The following UBE2E2 variants were observed in gnomAD, a reference collection of about 807,000 sequenced individuals.
UBE2E2 encodes the protein ubiquitin-conjugating enzyme E2 E2.
Under a neutral mutation model 24.7 loss-of-function variants are expected in UBE2E2, and 6 were observed. The observed-to-expected ratio is 0.24, with a 90% CI of 0.13 to 0.48. The LOEUF (loss-of-function observed/expected upper bound fraction) is 0.48, where lower values mean the gene tolerates loss of function less well. Among genes scored for constraint, UBE2E2 ranks in the 20% least tolerant of loss-of-function variants. The probability of loss-of-function intolerance (pLI) is 0.99; values close to 1 mark genes in which losing one functional copy is unlikely to be tolerated. For synonymous variants in UBE2E2, 104 were observed against 83.6 expected, an observed-to-expected ratio of 1.24 and a Z score of -1.33; for missense variants, 169 against 245.0, an observed-to-expected ratio of 0.69 and a Z score of 2.07.
At chr3:23,570,102 A>C (rs1020447298) in intron 5 of UBE2E2, among the ~76,000 whole-genome samples, 6 of 152,134 alleles carry the variant, frequency 3.9e-5, no homozygotes, top group Admixed American at 6.5e-5. Context: ...TTTAAATCTA[A>C]TATCTTCTTT....
Position 23,327,181 on chromosome 3 carries a change from ATATACCCAG to A in UBE2E2, c.227+109872_227+109880del, listed in dbSNP as rs201524331. On this transcript the variant is annotated intron_variant, in intron 3 of 5. Coordinates refer to ENST00000396703, the MANE Select transcript of UBE2E2 (RefSeq NM_152653.4). Reference sequence around the variant, plus strand: ...CAGCATGATTTATAATCCTTTGGATATATACCCAGTAATGGAATGGCTGGGTCAAATAGT... The same window carrying A: ...CAGCATGATTTATAATCCTTTGGATATAATGGAATGGCTGGGTCAAATAGT... 7.4e-4 allele frequency among the ~76,000 whole-genome samples: 113 copies of A among 152,342 alleles called. 1 individual carries two copies. In the East Asian group the frequency reaches 0.017, roughly 22 times the overall value.
chr3:23,463,927 A>T (rs1053826290), intron 3 of UBE2E2, among the ~76,000 whole-genome samples: 4 of 152,204 alleles, frequency 2.6e-5, no homozygotes, highest in Admixed American at 2.6e-4. Context: ...AATGTTAAAG[A>T]TCATAATGTT....
Position 23,509,122 on chromosome 3 carries a change from T to A in UBE2E2, c.360+9382T>A, listed in dbSNP as rs1043657877. Among the ~76,000 whole-genome samples, 3 of 152,186 alleles carry A rather than the reference T, an allele frequency of 2.0e-5. No individual in the cohort carries two copies. The South Asian group carries it at 6.2e-4, about 32-fold the overall frequency. On this transcript the variant is annotated intron_variant, in intron 4 of 5. Transcript: ENST00000396703. ...ATAAAACAGTGAACACTGGAAACTCTGAGAGAAACACTCTAAGCACATAAA... is the reference window on the plus strand; with the variant it reads ...ATAAAACAGTGAACACTGGAAACTCAGAGAGAAACACTCTAAGCACATAAA...
chr3:23,337,909 C>T (rs1394557569), intron 3 of UBE2E2, among the ~76,000 whole-genome samples: 2 of 151,988 alleles, frequency 1.3e-5, no homozygotes, highest in Non-Finnish European at 2.9e-5. Flanking sequence ...AGGCTAAGCC[C>T]CTGGAGATTG....
chr3:23,256,705 A>G (rs895314370), intron 3 of UBE2E2, among the ~76,000 whole-genome samples: 18 of 148,636 alleles, frequency 1.2e-4, no homozygotes, highest in Middle Eastern at 6.8e-3. Context: ...AATTCTTTCT[A>G]CATTTTAACA....
intron 3 of UBE2E2, among the ~76,000 whole-genome samples, chr3:23,374,402 T>C (rs1696469429): frequency 6.6e-6 from 1 of 152,190 alleles, no homozygotes; most frequent in African/African-American, 2.4e-5. Context: ...ATTGAATAAA[T>C]AAAACAAGTT....
intron 3 of UBE2E2, among the ~76,000 whole-genome samples, chr3:23,401,428 C>T (rs1017329331): frequency 5.3e-5 from 8 of 152,158 alleles, no homozygotes; most frequent in Admixed American, 2.6e-4. Flanking sequence ...GTCACCCCCA[C>T]GATTCAGGTG....
chr3:23,408,026 GAAGTAAATAAAACTT>G (rs1337556647), intron 3 of UBE2E2, among the ~76,000 whole-genome samples: 3 of 152,032 alleles, frequency 2.0e-5, no homozygotes, highest in Non-Finnish European at 4.4e-5. Context: ...CAATGTCACT[GAAGTAAATAAAACTT>G]TTAATGAAGA....
intron 3 of UBE2E2, among the ~76,000 whole-genome samples, chr3:23,454,983 A>C (rs1698645438): frequency 6.6e-6 from 1 of 152,102 alleles, no homozygotes; most frequent in Non-Finnish European, 1.5e-5. Context: ...AAGTGTGGGG[A>C]CTTGATCCCT....
chr3:23,254,639 T>C (rs1185295734), intron 3 of UBE2E2, among the ~76,000 whole-genome samples: 2 of 152,160 alleles, frequency 1.3e-5, no homozygotes, highest in Non-Finnish European at 1.5e-5. Flanking sequence ...ATTCAAGATA[T>C]TGTGTTGTTC....
At chr3:23,405,096 AAC>A (rs1697322446) in intron 3 of UBE2E2, among the ~76,000 whole-genome samples, 1 of 152,226 alleles carries the variant, frequency 6.6e-6, no homozygotes, top group African/African-American at 2.4e-5. Flanking sequence ...AAAATACAGC[AAC>A]AGTTTGCTGT....
At chr3:23,428,160 A>G (rs1002571305) in intron 3 of UBE2E2, among the ~76,000 whole-genome samples, 3 of 152,202 alleles carry the variant, frequency 2.0e-5, no homozygotes, top group African/African-American at 7.2e-5. Flanking sequence ...GGTAAACTGC[A>G]TTCTGGATCA....
intron 3 of UBE2E2, among the ~76,000 whole-genome samples, chr3:23,420,085 A>G (rs958316817): frequency 6.6e-6 from 1 of 152,234 alleles, no homozygotes; most frequent in Non-Finnish European, 1.5e-5. Flanking sequence ...CTATCATGAA[A>G]AATTTGAACA....
At chr3:23,321,559 C>T (rs12185989) in intron 3 of UBE2E2, among the ~76,000 whole-genome samples, 48,516 of 149,644 alleles carry the variant, frequency 0.32, 8,103 homozygotes, top group South Asian at 0.37. Flanking sequence ...CTCTTCTACT[C>T]CTGGGACCTA....
chr3:23,519,006 C>G (rs775294144), intron 4 of UBE2E2, among the ~76,000 whole-genome samples: 8 of 152,182 alleles, frequency 5.3e-5, no homozygotes, highest in Non-Finnish European at 1.2e-4. Flanking sequence ...CCCTAAAACA[C>G]CTCTTTCATC....
Position 23,222,104 on chromosome 3 carries a change from G to T in UBE2E2, c.227+4792G>T, listed in dbSNP as rs1020185824. Among the ~76,000 whole-genome samples, 18 of 151,826 alleles carry T rather than the reference G, an allele frequency of 1.2e-4. No homozygotes were observed. The East Asian group carries it at 3.3e-3, about 28-fold the overall frequency. On this transcript the variant is annotated intron_variant, in intron 3 of 5. Transcript: ENST00000396703. ...GTAAGAGTGAGAACATGTGACATTT[G>T]TCATTCTCTGCTGGGCTTATTTCAC...
chr3:23,569,015 T>C (rs1696159734), intron 5 of UBE2E2, among the ~76,000 whole-genome samples: 1 of 151,736 alleles, frequency 6.6e-6, no homozygotes, highest in Non-Finnish European at 1.5e-5. Context: ...TATGTCCACA[T>C]AAAAAGGTGT....
intron 3 of UBE2E2, among the ~76,000 whole-genome samples, chr3:23,458,567 A>G (rs1394211060): frequency 6.6e-6 from 1 of 152,052 alleles, no homozygotes; most frequent in African/African-American, 2.4e-5. Flanking sequence ...ACAGGCGCCC[A>G]TCACCACGCT....
chr3:23,590,002 C>CGAGAT lies in UBE2E2; in HGVS notation c.*171_*172insGAGAT. The CGAGAT allele has an allele frequency of 2.9e-5, 16 of 561,190 alleles. No individual in the cohort carries two copies. The highest frequency in any genetic ancestry group is 1.2e-4 in the Admixed American group (4 of 33,072). The allele number at this position is 561,190 out of a possible 1,614,324, so 34.8% of individuals were successfully genotyped here. ...TTCCCATCCCAGTTCTTCCTGCCCC[C>CGAGAT]CTTCCTCTCTCCCACGCTCTCTTTT... On this transcript the variant is annotated 3_prime_UTR_variant, in exon 6 of 6. Coordinates refer to ENST00000396703, the MANE Select transcript of UBE2E2 (RefSeq NM_152653.4).
Sources: gnomAD v4.1 joint callset for allele counts (sites outside exome capture counted in the v4.1 genomes callset) on GRCh38, gnomAD v4.1.1 for gene constraint, MANE v1.5 for transcripts, NCBI Gene and HGNC (gene_info 2026-07-23, HGNC 2026-07-21) for gene names.